The following QSOX2 variants were observed in gnomAD, a reference collection of about 807,000 sequenced individuals.
The protein encoded by QSOX2 is quiescin sulfhydryl oxidase 2, also known as sulfhydryl oxidase 2.
Under a neutral mutation model 61.7 loss-of-function variants are expected in QSOX2, and 46 were observed. The observed-to-expected ratio is 0.75, with a 90% CI of 0.59 to 0.95. The LOEUF is 0.95. QSOX2 is among the 40% of genes least tolerant of loss of function. The pLI is 0.00. For synonymous variants in QSOX2, 383 were observed against 388.4 expected, an observed-to-expected ratio of 0.99 and a Z score of 0.16; for missense variants, 879 against 918.9, an observed-to-expected ratio of 0.96 and a Z score of 0.56.
intron 7 of QSOX2, 69 bp from the exon 8 acceptor site, chr9:136,218,877 G>C (rs1831946762): frequency 1.3e-6 from 2 of 1,587,686 alleles, no homozygotes; most frequent in African/African-American, 2.7e-5. Flanking sequence ...CCCTGTCCTG[G>C]CTCCTCCCCA....
intron 9 of QSOX2, 93 bp downstream of exon 9, chr9:136,216,507 G>A: frequency 6.5e-7 from 1 of 1,535,930 alleles, no homozygotes; most frequent in South Asian, 1.2e-5. Context: ...GCGGAGCCCG[G>A]GCCCCGAGCA....
chr9:136,230,031 A>C (rs759199244), intron 1 of QSOX2, among the ~76,000 whole-genome samples: 4 of 152,214 alleles, frequency 2.6e-5, no homozygotes, highest in Non-Finnish European at 4.4e-5. Flanking sequence ...CTGTAATCCT[A>C]GCACTTTGGG....
Position 136,223,651 on chromosome 9 carries a change from A to G in QSOX2, c.675+112T>C. On this transcript the variant is annotated intron_variant, in intron 5 of 11. Transcript: ENST00000358701. The surrounding 1 kb of genome is among the most constrained non-coding windows in gnomAD (Gnocchi z 4.4). ...TAATGAACAAGACCTAAAGCCACAG[A>G]CAGGACACGAGATGCCGACACAGTG... 4.0e-6 allele frequency: 3 copies of G among 749,030 alleles called. 1 individual carries two copies. Among genetic ancestry groups the G allele is most frequent in the South Asian group, 3.5e-5 (2 of 57,430 alleles). 46.4% of individuals were successfully genotyped at this position (749,030 alleles called of 1,614,324 possible).
At chr9:136,219,269 G>T in intron 6 of QSOX2, 105 bp from the exon 7 acceptor site, 1 of 1,384,792 alleles carries the variant, frequency 7.2e-7, no homozygotes, top group Non-Finnish European at 9.6e-7. Flanking sequence ...TTCATCCTTT[G>T]GGCATTTATT....
chr9:136,222,791 G>A lies in QSOX2; in HGVS notation c.676-850C>T, dbSNP rs1328975327. On this transcript the variant is annotated intron_variant, in intron 5 of 11. Transcript: ENST00000358701. The surrounding 1 kb of genome is among the most constrained non-coding windows in gnomAD (Gnocchi z 6.9). ...GGTCCCACACCCGCCTCTTCTCAGG[G>A]GAACACCTGCCTCTGGTCTGCGTGT... Among the ~76,000 whole-genome samples, 1 of 152,210 alleles carries A rather than the reference G, an allele frequency of 6.6e-6. No homozygotes were observed. The highest frequency in any genetic ancestry group is 2.4e-5 in the African/African-American group (1 of 41,452).
At chr9:136,210,116 G>C (rs1831827652) in intron 11 of QSOX2, 1 of 985,366 alleles carries the variant, frequency 1.0e-6, no homozygotes, top group Non-Finnish European at 1.2e-6. Flanking sequence ...ACCGGCAGCA[G>C]GTGCTGCACA....
At chr9:136,237,569 C>T (rs62579054) in intron 1 of QSOX2, among the ~76,000 whole-genome samples, 4,852 of 131,042 alleles carry the variant, frequency 0.037, 382 homozygotes, top group African/African-American at 0.082. Flanking sequence ...CGTCCTGTGG[C>T]GGCGTCACCT....
chr9:136,230,538 CAT>C (rs933552368), intron 1 of QSOX2, among the ~76,000 whole-genome samples: 2 of 152,232 alleles, frequency 1.3e-5, no homozygotes, highest in Admixed American at 6.5e-5. Context: ...CCCAAAAACA[CAT>C]GAGCCTCAGT....
intron 11 of QSOX2, 109 bp downstream of exon 11, chr9:136,211,155 G>A: frequency 1.6e-6 from 2 of 1,215,204 alleles, no homozygotes; most frequent in East Asian, 4.9e-5. Flanking sequence ...GTGGCACGAG[G>A]CCGCAAAGCT....
rs140707238 is a variant in QSOX2 at position 136,223,818 on chromosome 9, C to T, written c.620G>A (p.Gly207Asp). 9.1e-4 allele frequency: 1,468 copies of T among 1,613,710 alleles called. 1 individual carries two copies. Among genetic ancestry groups the T allele is most frequent in the Non-Finnish European group, 1.2e-3 (1,393 of 1,180,014 alleles). ...SDVLSLLDNRGSHYVAIVFES... is the reference protein window; with the variant it reads ...SDVLSLLDNRDSHYVAIVFES... ...AAAGACAATAGCCACGTAATGGCTG[C>T]CACGGTTGTCAAGAAGGGAAAGAAC... Residue 207 changes from glycine (G) to aspartate (D), a missense_variant, in exon 5 of 12, where the codon GGC (glycine) becomes GAC (aspartate). By Grantham distance (94) the Gly-to-Asp change is moderately conservative (BLOSUM62 -1). Coordinates refer to ENST00000358701, the MANE Select transcript of QSOX2 (RefSeq NM_181701.4). The surrounding 1 kb of genome is among the most constrained non-coding windows in gnomAD (Gnocchi z 4.4).
chr9:136,228,210 G>A (rs927849909), intron 1 of QSOX2, among the ~76,000 whole-genome samples: 5 of 152,014 alleles, frequency 3.3e-5, no homozygotes, highest in Non-Finnish European at 7.4e-5. Context: ...TAGTGATCAC[G>A]ACCTAAATGC....
At position 136,208,517 on chromosome 9, in the gene QSOX2, ATGCAAATATC is replaced by A. The variant is rs1316413099; in HGVS notation, c.*201_*210del. On this transcript the variant is annotated 3_prime_UTR_variant, in exon 12 of 12. Transcript: ENST00000358701. ...ATGAACAGACTTGAGTACGCCAGGAATGCAAATATCCCCACAAAATTACCCCGTGTTCTTC... is the reference window on the plus strand; with the variant it reads ...ATGAACAGACTTGAGTACGCCAGGAACCCACAAAATTACCCCGTGTTCTTC... The A allele has an allele frequency of 1.8e-6, 1 of 564,854 alleles. No individual in the cohort carries two copies. Among genetic ancestry groups the A allele is most frequent in the African/African-American group, 1.9e-5 (1 of 53,284 alleles). 35.0% of individuals were successfully genotyped at this position (564,854 alleles called of 1,614,324 possible).
intron 11 of QSOX2, chr9:136,210,138 G>A (rs961116278): frequency 6.1e-6 from 6 of 985,482 alleles, no homozygotes; most frequent in Non-Finnish European, 7.2e-6. Flanking sequence ...GAAGCCAGAG[G>A]GGACAAGCAC....
intron 1 of QSOX2, among the ~76,000 whole-genome samples, chr9:136,230,795 C>T (rs1276812356): frequency 6.6e-6 from 1 of 152,202 alleles, no homozygotes; most frequent in East Asian, 1.9e-4. Context: ...GAGGATCCGC[C>T]AGACCCAGCA....
intron 6 of QSOX2, among the ~76,000 whole-genome samples, chr9:136,219,404 C>T (rs1230859014): frequency 1.3e-5 from 2 of 152,248 alleles, no homozygotes; most frequent in Non-Finnish European, 2.9e-5. Context: ...GTAATAAGTA[C>T]TATGACTCAT....
rs368293825 is a variant in QSOX2 at position 136,224,944 on chromosome 9, C to T, written c.430-35G>A. 2.3e-4 allele frequency: 358 copies of T among 1,541,946 alleles called. 1 individual carries two copies. The highest frequency in any genetic ancestry group is 2.9e-4 in the Non-Finnish European group (327 of 1,126,566). The stretch of plus-strand genomic sequence containing the variant: ...AAAACACAGAACAAGTAAGAGGCAG[C>T]CTTCCATGGGCATCTGCATGTGTTT... On this transcript the variant is annotated intron_variant, in intron 2 of 11. Transcript: ENST00000358701.
intron 1 of QSOX2, among the ~76,000 whole-genome samples, chr9:136,230,085 C>T (rs1210834456): frequency 1.3e-5 from 2 of 151,906 alleles, no homozygotes; most frequent in Non-Finnish European, 2.9e-5. Flanking sequence ...TAGAGACCAT[C>T]CTGGCCAACA....
intron 1 of QSOX2, among the ~76,000 whole-genome samples, chr9:136,241,855 TGAA>T (rs1830435940): frequency 6.6e-6 from 1 of 152,158 alleles, no homozygotes; most frequent in Admixed American, 6.5e-5. Context: ...GCTGACCAAG[TGAA>T]GGAGATGGGA....
At chr9:136,211,227 G>A (rs375944980) in intron 11 of QSOX2, 37 bp downstream of exon 11, 36 of 1,602,648 alleles carry the variant, frequency 2.2e-5, no homozygotes, top group African/African-American at 1.6e-4. Context: ...GCCTCCCTCC[G>A]CCCGTGCTGA....
Sources: gnomAD v4.1 joint callset for allele counts (sites outside exome capture counted in the v4.1 genomes callset) on GRCh38, gnomAD v4.1.1 for gene constraint, Gnocchi (gnomAD v3.1) non-coding constraint, MANE v1.5 for transcripts, NCBI Gene and HGNC (gene_info 2026-07-23, HGNC 2026-07-21) for gene names.